The following STK39 variants were observed in gnomAD, a reference collection of about 807,000 sequenced individuals.
STK39 encodes the protein serine/threonine kinase 39.
A neutral mutation model predicts 77.8 loss-of-function variants in STK39; 20 were observed. That is an observed-to-expected ratio of 0.26 (90% CI 0.18 to 0.37). The LOEUF is 0.37. STK39 is among the 10% of genes least tolerant of loss of function. The pLI is 1.00. For missense variants in STK39, 479 were observed against 656.5 expected (o/e 0.73, Z 2.95); for synonymous variants, 246 against 234.1 (o/e 1.05, Z -0.47).
intron 16 of STK39, among the ~76,000 whole-genome samples, chr2:167,975,675 G>A (rs372162281): frequency 6.6e-5 from 10 of 152,290 alleles, no homozygotes; most frequent in South Asian, 2.1e-4. Flanking sequence ...TCAGCCGGGC[G>A]TGGTGGTGGG....
intron 10 of STK39, among the ~76,000 whole-genome samples, chr2:168,101,138 A>C (rs1008886265): frequency 6.6e-6 from 1 of 152,176 alleles, no homozygotes. Flanking sequence ...GTTCTCACTC[A>C]TAAGTGGGAG....
chr2:168,231,139 T>C (rs994691948), intron 1 of STK39, among the ~76,000 whole-genome samples: 2 of 152,214 alleles, frequency 1.3e-5, no homozygotes, highest in Non-Finnish European at 2.9e-5. Flanking sequence ...ACAAAACTGA[T>C]GGTAAACAAC....
At chr2:168,217,715 A>G (rs1299423772) in intron 1 of STK39, among the ~76,000 whole-genome samples, 1 of 152,244 alleles carries the variant, frequency 6.6e-6, no homozygotes, top group Non-Finnish European at 1.5e-5. Context: ...CAGATGTTAT[A>G]CTATAACATT....
chr2:168,050,636 A>C (rs1685370341), intron 14 of STK39, among the ~76,000 whole-genome samples: 1 of 152,102 alleles, frequency 6.6e-6, no homozygotes, highest in Non-Finnish European at 1.5e-5. Flanking sequence ...GATGCAGGCT[A>C]CCTCTACAAG....
chr2:168,018,594 G>GAAAGAAAGAAAT (rs1452217033), intron 14 of STK39, among the ~76,000 whole-genome samples: 34 of 148,332 alleles, frequency 2.3e-4, no homozygotes, highest in African/African-American at 7.6e-4. Context: ...AAGAAAGAAA[G>GAAAGAAAGAAAT]AAAGAAATTG....
chr2:168,188,064 G>C lies in STK39; in HGVS notation c.209-5974C>G, dbSNP rs1277170602. Among the ~76,000 whole-genome samples, 5 of 152,254 alleles carry C rather than the reference G, an allele frequency of 3.3e-5. No individual in the cohort carries two copies. The East Asian group carries it at 7.7e-4, about 23-fold the overall frequency. On this transcript the variant is annotated intron_variant, in intron 1 of 17. Coordinates refer to ENST00000355999, the MANE Select transcript of STK39 (RefSeq NM_013233.3). ...GTCCTTTGCCAGTGAACAGAGTCAA[G>C]AGTGGGCTCAGGCTTTCTTTTTAGA...
chr2:167,977,656 G>A (rs1683314929), intron 16 of STK39, among the ~76,000 whole-genome samples: 1 of 151,796 alleles, frequency 6.6e-6, no homozygotes, highest in African/African-American at 2.4e-5. Context: ...AAATGAGTAA[G>A]GATTCTATAG....
chr2:168,000,379 A>C (rs12328946), intron 16 of STK39, among the ~76,000 whole-genome samples: 22,397 of 152,228 alleles, frequency 0.15, 1,853 homozygotes, highest in Middle Eastern at 0.18. Context: ...TCTTTTTAAA[A>C]GAAATCCTGA....
At chr2:168,157,982 T>A (rs1688478043) in intron 5 of STK39, among the ~76,000 whole-genome samples, 1 of 152,210 alleles carries the variant, frequency 6.6e-6, no homozygotes, top group African/African-American at 2.4e-5. Flanking sequence ...GTGATCTGTT[T>A]CATATGAATT....
chr2:168,183,594 T>G (rs905224020), intron 1 of STK39, among the ~76,000 whole-genome samples: 2 of 152,192 alleles, frequency 1.3e-5, no homozygotes, highest in Non-Finnish European at 1.5e-5. Flanking sequence ...GAAAAAACTT[T>G]CTTCCATCCT....
At chr2:168,101,796 T>C (rs1471780458) in intron 10 of STK39, among the ~76,000 whole-genome samples, 1 of 152,026 alleles carries the variant, frequency 6.6e-6, no homozygotes, top group African/African-American at 2.4e-5. Context: ...TGAGAGATAA[T>C]CCACCGTAAA....
intron 10 of STK39, among the ~76,000 whole-genome samples, chr2:168,099,367 G>C (rs766110186): frequency 4.6e-5 from 7 of 152,228 alleles, no homozygotes; most frequent in African/African-American, 1.7e-4. Flanking sequence ...TTAGGTTGAA[G>C]AGTTAACTTC....
intron 14 of STK39, among the ~76,000 whole-genome samples, chr2:168,020,476 T>C (rs753873290): frequency 7.9e-5 from 12 of 152,074 alleles, no homozygotes; most frequent in African/African-American, 1.2e-4. Flanking sequence ...TTCTTGCTAC[T>C]ATTATAAAAA....
At chr2:167,984,377 T>C (rs902241846) in intron 16 of STK39, among the ~76,000 whole-genome samples, 4 of 152,128 alleles carry the variant, frequency 2.6e-5, no homozygotes, top group Admixed American at 1.3e-4. Context: ...TCAATTTACA[T>C]CTTAAATGAG....
chr2:168,224,607 A>C (rs1338664161), intron 1 of STK39, among the ~76,000 whole-genome samples: 1 of 152,260 alleles, frequency 6.6e-6, no homozygotes, highest in Non-Finnish European at 1.5e-5. Context: ...TGAAAGCCTT[A>C]AATTACACAT....
At chr2:168,137,260 T>G (rs770136191) in intron 8 of STK39, among the ~76,000 whole-genome samples, 1 of 152,212 alleles carries the variant, frequency 6.6e-6, no homozygotes, top group Non-Finnish European at 1.5e-5. Flanking sequence ...AATTGGATCC[T>G]CAGGTGGATT....
At chr2:168,008,542 AG>A (rs1418545313) in intron 16 of STK39, among the ~76,000 whole-genome samples, 1 of 152,196 alleles carries the variant, frequency 6.6e-6, no homozygotes, top group African/African-American at 2.4e-5. Context: ...AGACGCTAAA[AG>A]GGGAGCTGAA....
At chr2:168,131,378 G>T (rs560203908) in intron 8 of STK39, among the ~76,000 whole-genome samples, 2 of 152,066 alleles carry the variant, frequency 1.3e-5, no homozygotes, top group African/African-American at 4.8e-5. Flanking sequence ...AAATAATATT[G>T]TAGCAGGGGG....
chr2:168,036,850 G>T (rs1327846862), intron 14 of STK39, among the ~76,000 whole-genome samples: 2 of 152,208 alleles, frequency 1.3e-5, no homozygotes, highest in Non-Finnish European at 1.5e-5. Flanking sequence ...CTTGTAGGAA[G>T]AGGCTGCTCC....
Sources: gnomAD v4.1 joint callset for allele counts (sites outside exome capture counted in the v4.1 genomes callset) on GRCh38, gnomAD v4.1.1 for gene constraint, MANE v1.5 for transcripts, NCBI Gene and HGNC (gene_info 2026-07-23, HGNC 2026-07-21) for gene names.